The following ZNF622 variants were observed in gnomAD, a reference collection of about 807,000 sequenced individuals.
The protein encoded by ZNF622 is cytoplasmic 60S subunit biogenesis factor ZNF622.
ZNF622 carries 34 observed loss-of-function variants against 49.7 expected under a neutral mutation model. That is an observed-to-expected ratio of 0.68 (90% confidence interval 0.52 to 0.91). The LOEUF is 0.91. ZNF622 is among the 40% of genes least tolerant of loss of function. ZNF622 has a pLI of 0.00. For missense variants in ZNF622, 569 were observed against 616.4 expected (o/e 0.92, Z 0.81); for synonymous variants, 209 against 228.7 (o/e 0.91, Z 0.78).
chr5:16,459,736 G>A (rs1738093860), intron 3 of ZNF622, among the ~76,000 whole-genome samples: 1 of 152,096 alleles, frequency 6.6e-6, no homozygotes, highest in African/African-American at 2.4e-5. Context: ...GTATGAATGG[G>A]TCTCCCAAAC....
In ZNF622 at chr5:16,463,194, T is replaced by C. The variant is rs756773591; in HGVS notation, c.963A>G (p.Val321=). 1.2e-6 allele frequency: 2 copies of C among 1,614,076 alleles called. No homozygotes were observed. Among genetic ancestry groups the C allele is most frequent in the Non-Finnish European group, 1.7e-6 (2 of 1,180,008 alleles). ...KGKSFYSTEA[V]QAHMNDKSHC... ...GGCTTTTGTCATTCATATGTGCCTG[T>C]ACAGCTTCTGTGGAGTAGAAGGACT... The change falls in exon 3 of 6, where the codon GTA becomes GTG. Residue 321 remains valine (V), a synonymous_variant. Coordinates refer to ENST00000308683, the MANE Select transcript of ZNF622 (RefSeq NM_033414.3). This position sits in a 1 kb window ranked among gnomAD's most constrained non-coding sequence, Gnocchi z 4.2.
chr5:16,462,570 C>A (rs1489015381), intron 3 of ZNF622, among the ~76,000 whole-genome samples: 1 of 152,118 alleles, frequency 6.6e-6, no homozygotes, highest in Admixed American at 6.5e-5. Context: ...GGAGGATCAT[C>A]TGAGCTCAGG....
In ZNF622 at chr5:16,465,647, T is replaced by C; in HGVS notation, c.19A>G (p.Ile7Val). Reference protein sequence around the residue: MATYTCITCRVAFRDAD... With the variant: MATYTCVTCRVAFRDAD... Reference sequence around the variant, plus strand: ...TCGCGGAACGCCACCCGGCAAGTTATGCAGGTGTACGTCGCCATTGCCAGG... The same window carrying C: ...TCGCGGAACGCCACCCGGCAAGTTACGCAGGTGTACGTCGCCATTGCCAGG... Residue 7 changes from isoleucine to valine, a missense_variant, in exon 1 of 6, where the codon ATA becomes GTA. Ile to Val is a conservative substitution (Grantham distance 29, BLOSUM62 3). Transcript: ENST00000308683. This position sits in a 1 kb window ranked among gnomAD's most constrained non-coding sequence, Gnocchi z 6.2. 6.3e-7 allele frequency: 1 copy of C among 1,589,040 alleles called. No homozygotes were observed. The highest frequency in any genetic ancestry group is 8.6e-7 in the Non-Finnish European group (1 of 1,167,086).
chr5:16,461,328 T>G (rs1185071845), intron 3 of ZNF622, among the ~76,000 whole-genome samples: 2 of 152,256 alleles, frequency 1.3e-5, no homozygotes, highest in Non-Finnish European at 2.9e-5. Flanking sequence ...AGATAGGTAG[T>G]CTTTGAAAGA....
At chr5:16,457,167 G>A (rs1319569298) in intron 4 of ZNF622, among the ~76,000 whole-genome samples, 3 of 152,116 alleles carry the variant, frequency 2.0e-5, no homozygotes, top group African/African-American at 7.2e-5. Flanking sequence ...TTATGCTAAG[G>A]TTTGTAATAT....
chr5:16,465,375 C>T lies in ZNF622; in HGVS notation c.291G>A (p.Lys97=), dbSNP rs1457801485. The T allele has an allele frequency of 6.2e-7, 1 of 1,614,206 alleles. No individual in the cohort carries two copies. Among genetic ancestry groups the T allele is most frequent in the Admixed American group, 1.7e-5 (1 of 60,036 alleles). ...KSRRHVELEK[K]AVQAVNRKVE... is the part of the protein sequence containing the mutation. ...CTTTCCGATTCACTGCCTGCACGGC[C>T]TTCTTCTCCAGCTCAACGTGACGCC... The change falls in exon 1 of 6, where the codon AAG becomes AAA. Residue 97 remains lysine, a synonymous_variant. Transcript: ENST00000308683. The surrounding 1 kb of genome is among the most constrained non-coding windows in gnomAD (Gnocchi z 6.2).
In ZNF622 at chr5:16,463,768, A is replaced by C; in HGVS notation, c.626-26T>G. 6.2e-7 allele frequency: 1 copy of C among 1,605,306 alleles called. No homozygotes were observed. The highest frequency in any genetic ancestry group is 8.5e-7 in the Non-Finnish European group (1 of 1,174,710). On this transcript the variant is annotated intron_variant, in intron 1 of 5. Transcript: ENST00000308683. This position sits in a 1 kb window ranked among gnomAD's most constrained non-coding sequence, Gnocchi z 4.2. The stretch of plus-strand genomic sequence containing the variant: ...CTGCAAGCCAGAATTTTGAAATATA[A>C]AGTTTAAGAAAAGTAGTAGCAAGCA...
rs1359873924 is a variant in ZNF622, at chr5:16,463,720, A to G, written c.648T>C (p.Asp216=). The change falls in exon 2 of 6, where the codon GAT becomes GAC. Residue 216 remains aspartate (D), a synonymous_variant. Coordinates refer to ENST00000308683, the MANE Select transcript of ZNF622 (RefSeq NM_033414.3). This position sits in a 1 kb window ranked among gnomAD's most constrained non-coding sequence, Gnocchi z 4.2. ...DGDDWEDIDS[D]EELECEDTEA... is the part of the protein sequence containing the mutation. Reference sequence around the variant, plus strand: ...CAGTATCCTCACATTCCAATTCTTCATCAGAATCAATATCTTCCCAATCTG... The same window carrying G: ...CAGTATCCTCACATTCCAATTCTTCGTCAGAATCAATATCTTCCCAATCTG... 2.5e-6 allele frequency: 4 copies of G among 1,613,424 alleles called. No individual in the cohort carries two copies. In the African/African-American group the frequency reaches 5.3e-5, roughly 22 times the overall value.
At chr5:16,460,341 T>C (rs1321093670) in intron 3 of ZNF622, among the ~76,000 whole-genome samples, 1 of 152,220 alleles carries the variant, frequency 6.6e-6, no homozygotes, top group African/African-American at 2.4e-5. Context: ...TGCACTTTTC[T>C]GTAAGTTTAT....
At chr5:16,456,022 T>C (rs10520840) in intron 4 of ZNF622, among the ~76,000 whole-genome samples, 13,988 of 152,282 alleles carry the variant, frequency 0.092, 734 homozygotes, top group Admixed American at 0.17. Flanking sequence ...TATGTCTAAG[T>C]CATGGTGAAG....
intron 4 of ZNF622, among the ~76,000 whole-genome samples, chr5:16,458,152 A>C (rs1738060749): frequency 6.6e-6 from 1 of 152,136 alleles, no homozygotes. Context: ...AGGAAACAGG[A>C]ATCAGTTCAA....
rs1208887330 is a variant in ZNF622 at position 16,465,511 on chromosome 5, C to T, written c.155G>A (p.Arg52Gln). 1.2e-6 allele frequency: 2 copies of T among 1,614,130 alleles called. No individual in the cohort carries two copies. Among genetic ancestry groups the T allele is most frequent in the Non-Finnish European group, 1.7e-6 (2 of 1,180,014 alleles). The change falls in exon 1 of 6, where the codon CGG becomes CAG. Residue 52 changes from arginine to glutamine, a missense_variant. Physicochemically the swap from Arg to Gln is conservative, Grantham distance 43. Transcript: ENST00000308683. The surrounding 1 kb of genome is among the most constrained non-coding windows in gnomAD (Gnocchi z 6.2). ...CTCCTCCGCGACGGCCCGCTGCGCC[C>T]GCACTCGCTCCTGGAAGCCCTCGGC... The part of the protein sequence containing the change: ...VTAEGFQERV[R>Q]AQRAVAEEES...
intron 5 of ZNF622, among the ~76,000 whole-genome samples, chr5:16,452,498 A>G (rs1737949804): frequency 6.6e-6 from 1 of 152,204 alleles, no homozygotes; most frequent in Admixed American, 6.5e-5. Context: ...ATGGGCATGC[A>G]CTATATCACA....
intron 1 of ZNF622, among the ~76,000 whole-genome samples, chr5:16,464,378 A>G (rs2126495831): frequency 6.6e-6 from 1 of 152,274 alleles, no homozygotes; most frequent in South Asian, 2.1e-4. Flanking sequence ...CTCACCAGAC[A>G]CTGACTCTGC....
At chr5:16,458,110 C>T (rs996267457) in intron 4 of ZNF622, among the ~76,000 whole-genome samples, 3 of 152,006 alleles carry the variant, frequency 2.0e-5, no homozygotes, top group African/African-American at 7.3e-5. Flanking sequence ...TACACCCACA[C>T]CAAACTACCA....
chr5:16,460,975 T>C (rs1477820837), intron 3 of ZNF622, among the ~76,000 whole-genome samples: 1 of 152,014 alleles, frequency 6.6e-6, no homozygotes, highest in Non-Finnish European at 1.5e-5. Flanking sequence ...ATAAATAATA[T>C]ACAATACACA....
At chr5:16,455,483 T>C (rs1738011502) in intron 4 of ZNF622, among the ~76,000 whole-genome samples, 1 of 152,216 alleles carries the variant, frequency 6.6e-6, no homozygotes, top group Non-Finnish European at 1.5e-5. Context: ...GACATGGTCT[T>C]TGGATACTAG....
Position 16,451,713 on chromosome 5 carries a change from C to T in ZNF622, c.1378G>A (p.Gly460Arg). 2 of 1,614,132 alleles carry T rather than the reference C, an allele frequency of 1.2e-6. No homozygotes were observed. Among genetic ancestry groups the T allele is most frequent in the Non-Finnish European group, 1.7e-6 (2 of 1,180,026 alleles). The change falls in exon 6 of 6, where the codon GGA becomes AGA. Residue 460 changes from glycine (G) to arginine (R), a missense_variant. Coordinates refer to ENST00000308683, the MANE Select transcript of ZNF622 (RefSeq NM_033414.3). The stretch of plus-strand genomic sequence containing the variant: ...TGCTTGGTGGCATTGTTCTTCATTC[C>T]TGTCTTCAGCATCCATTTTGATTTC... Reference protein sequence around the residue: ...RMKSKWMLKTGMKNNATKQMH... With the variant: ...RMKSKWMLKTRMKNNATKQMH...
intron 4 of ZNF622, among the ~76,000 whole-genome samples, chr5:16,454,998 A>G (rs1199203583): frequency 1.3e-5 from 2 of 152,210 alleles, no homozygotes; most frequent in Non-Finnish European, 2.9e-5. Context: ...AGCATTACCT[A>G]AAAGCTTACT....
Sources: allele counts gnomAD v4.1 joint callset (sites outside exome capture counted in the v4.1 genomes callset), GRCh38; gene constraint gnomAD v4.1.1; non-coding constraint Gnocchi (gnomAD v3.1); transcripts MANE v1.5; gene names NCBI Gene and HGNC (gene_info 2026-07-23, HGNC 2026-07-21).